Variants in CACNA1I observed in about 807,000 individuals in gnomAD.
The protein encoded by CACNA1I is voltage-dependent T-type calcium channel subunit alpha-1I.
Under a neutral mutation model 201.6 loss-of-function variants are expected in CACNA1I, and 74 were observed. That is an observed-to-expected ratio of 0.37 (90% confidence interval 0.30 to 0.45). The LOEUF (loss-of-function observed/expected upper bound fraction) is 0.45. CACNA1I is among the 20% of genes least tolerant of loss of function. The probability of loss-of-function intolerance (pLI) is 1.00; values close to 1 mark genes in which losing one functional copy is unlikely to be tolerated. For synonymous variants in CACNA1I, 1,431 were observed against 1,345.2 expected (o/e 1.06, Z -1.40); for missense variants, 2,346 against 3,138.1 (o/e 0.75, Z 6.03).
At chr22:39,606,846 G>T (rs1933235292) in intron 3 of CACNA1I, among the ~76,000 whole-genome samples, 1 of 152,216 alleles carries the variant, frequency 6.6e-6, no homozygotes, top group Admixed American at 6.5e-5. Context: ...CCAACTCTTT[G>T]TCTTATCATT....
intron 23 of CACNA1I, among the ~76,000 whole-genome samples, chr22:39,667,983 G>C (rs1432959959): frequency 6.6e-6 from 1 of 152,158 alleles, no homozygotes; most frequent in African/African-American, 2.4e-5. Flanking sequence ...GTGGGTGAGG[G>C]GACAGGAGTT....
chr22:39,666,043 C>A lies in CACNA1I; in HGVS notation c.4104+37C>A. On this transcript the variant is annotated intron_variant, in intron 23 of 36. Transcript: ENST00000402142. The surrounding 1 kb of genome is among the most constrained non-coding windows in gnomAD (Gnocchi z 4.1). Reference sequence around the variant, plus strand: ...CGTCCTAGCCCTGATCAGACCCTCCCCTCTCTTGGATGCCAGTGGCTCTGG... The same window carrying A: ...CGTCCTAGCCCTGATCAGACCCTCCACTCTCTTGGATGCCAGTGGCTCTGG... 1 of 1,597,688 alleles carries A rather than the reference C, an allele frequency of 6.3e-7. No homozygotes were observed.
intron 4 of CACNA1I, among the ~76,000 whole-genome samples, chr22:39,625,070 G>C (rs1243543461): frequency 1.3e-5 from 2 of 151,964 alleles, no homozygotes; most frequent in Non-Finnish European, 1.5e-5. Flanking sequence ...ACCACGTCCA[G>C]CTAATTTTTG....
intron 8 of CACNA1I, 133 bp downstream of exon 8, chr22:39,647,014 C>T (rs1237443990): frequency 6.0e-6 from 8 of 1,330,526 alleles, no homozygotes; most frequent in Non-Finnish European, 6.9e-6. Flanking sequence ...TCCTTCACAG[C>T]CCCCAGGGAC....
intron 5 of CACNA1I, among the ~76,000 whole-genome samples, chr22:39,640,036 C>T (rs1051377086): frequency 2.0e-5 from 3 of 152,294 alleles, no homozygotes; most frequent in African/African-American, 4.8e-5. Flanking sequence ...CATAGATTAA[C>T]CCTTCTGGAT....
rs1248395854 is a variant in CACNA1I at position 39,665,632 on chromosome 22, G to A, written c.3978+8G>A. On this transcript the variant is annotated splice_region_variant and intron_variant, in intron 22 of 36. Coordinates refer to ENST00000402142, the MANE Select transcript of CACNA1I (RefSeq NM_021096.4). This position sits in a 1 kb window ranked among gnomAD's most constrained non-coding sequence, Gnocchi z 5.5. ...GGCATCCTGGGAGTGCAGGTGAGGG[G>A]TGCCCAGTCTGGGCAGGGACTGGGC... 6.2e-7 allele frequency: 1 copy of A among 1,613,478 alleles called. No homozygotes were observed. Among genetic ancestry groups the A allele is most frequent in the African/African-American group, 1.3e-5 (1 of 75,014 alleles).
intron 26 of CACNA1I, among the ~76,000 whole-genome samples, chr22:39,671,914 A>T (rs1259822552): frequency 6.6e-6 from 1 of 152,200 alleles, no homozygotes; most frequent in African/African-American, 2.4e-5. Flanking sequence ...CCAGGATTCA[A>T]ATGTAGGCAG....
At chr22:39,647,973 C>A (rs776108324) in intron 9 of CACNA1I, 47 bp downstream of exon 9, 94 of 1,514,612 alleles carry the variant, frequency 6.2e-5, no homozygotes, top group Non-Finnish European at 8.0e-5. Flanking sequence ...GCCCCAATAC[C>A]ACTTCTCCCA....
chr22:39,644,480 G>A (rs1470591205), intron 7 of CACNA1I, among the ~76,000 whole-genome samples: 5 of 152,184 alleles, frequency 3.3e-5, no homozygotes, highest in Admixed American at 3.3e-4. Flanking sequence ...AGGTGGCCCT[G>A]TCACAGGACG....
chr22:39,672,167 C>T (rs1935394603), intron 26 of CACNA1I, 32 bp from the exon 27 acceptor site: 1 of 1,446,350 alleles, frequency 6.9e-7, no homozygotes, highest in Non-Finnish European at 9.7e-7. Flanking sequence ...GGTCATGTGC[C>T]CTGGATCATG....
At chr22:39,604,954 C>A (rs558351820) in intron 3 of CACNA1I, among the ~76,000 whole-genome samples, 2 of 152,176 alleles carry the variant, frequency 1.3e-5, no homozygotes, top group Non-Finnish European at 2.9e-5. Context: ...AACAGGACCA[C>A]CCCGTGCTCA....
intron 24 of CACNA1I, 87 bp downstream of exon 24, chr22:39,668,468 G>A: frequency 1.2e-6 from 1 of 813,574 alleles, no homozygotes; most frequent in South Asian, 1.5e-5. Context: ...TGAAACTGGT[G>A]CCAATGAGTT....
Position 39,665,847 on chromosome 22 carries a change from C to T in CACNA1I, c.3979-34C>T, listed in dbSNP as rs1490866225. 2 of 1,613,570 alleles carry T rather than the reference C, an allele frequency of 1.2e-6. No individual in the cohort carries two copies. The highest frequency in any genetic ancestry group is 8.5e-7 in the Non-Finnish European group (1 of 1,179,718). Reference sequence around the variant, plus strand: ...TTCCTCTCTGACTTGCAACCCTCACCTGTGAGAGCACCAACCTCACCCCCT... The same window carrying T: ...TTCCTCTCTGACTTGCAACCCTCACTTGTGAGAGCACCAACCTCACCCCCT... On this transcript the variant is annotated intron_variant, in intron 22 of 36. Transcript: ENST00000402142. This position sits in a 1 kb window ranked among gnomAD's most constrained non-coding sequence, Gnocchi z 5.5.
chr22:39,641,369 C>A (rs765188523), intron 6 of CACNA1I, among the ~76,000 whole-genome samples, 187 bp downstream of exon 6: 2 of 152,230 alleles, frequency 1.3e-5, no homozygotes, highest in Non-Finnish European at 2.9e-5. Flanking sequence ...AGGAAGCAAG[C>A]TAATTGACCA....
intron 5 of CACNA1I, 146 bp from the exon 6 acceptor site, chr22:39,640,721 G>T (rs1259638581): frequency 5.9e-6 from 4 of 682,188 alleles, no homozygotes; most frequent in East Asian, 5.4e-5. Flanking sequence ...GTGGGGAAGG[G>T]TGACCAAGGC....
chr22:39,665,789 A>G lies in CACNA1I; in HGVS notation c.3979-92A>G, dbSNP rs1468977722. ...ACATGGGCCCAGATGACTGAGCACAAGACAGTCTGAGTAAACGCGATCGAG... is the reference window on the plus strand; with the variant it reads ...ACATGGGCCCAGATGACTGAGCACAGGACAGTCTGAGTAAACGCGATCGAG... On this transcript the variant is annotated intron_variant, in intron 22 of 36. Transcript: ENST00000402142. This position sits in a 1 kb window ranked among gnomAD's most constrained non-coding sequence, Gnocchi z 5.5. The G allele has an allele frequency of 6.3e-7, 1 of 1,575,950 alleles. No homozygotes were observed. Among genetic ancestry groups the G allele is most frequent in the African/African-American group, 1.3e-5 (1 of 74,262 alleles).
At chr22:39,590,430 G>A (rs1194168920) in intron 1 of CACNA1I, among the ~76,000 whole-genome samples, 1 of 152,216 alleles carries the variant, frequency 6.6e-6, no homozygotes, top group East Asian at 1.9e-4. Flanking sequence ...TACAACACAG[G>A]CCTGGGTCCC....
In CACNA1I at chr22:39,662,192, G is replaced by T. The variant is rs1569088128; in HGVS notation, c.3129G>T (p.Gly1043=). The T allele has an allele frequency of 1.3e-6, 2 of 1,528,848 alleles. No individual in the cohort carries two copies. Among genetic ancestry groups the T allele is most frequent in the Admixed American group, 2.0e-5 (1 of 49,610 alleles). 94.7% of individuals were successfully genotyped at this position (1,528,848 alleles called of 1,614,324 possible). A position where few individuals can be genotyped will look rare whatever the true frequency, so the allele number is the denominator to read the frequency against. ...HTPHAHHIHH[G]PHLAHRHRHH... ...CACACGCCCACCACATTCATCACGG[G>T]CCCCATCTGGCGCACCGCCACCGCC... The change falls in exon 17 of 37, where the codon GGG becomes GGT. Residue 1043 remains glycine, a synonymous_variant. Coordinates refer to ENST00000402142, the MANE Select transcript of CACNA1I (RefSeq NM_021096.4).
chr22:39,622,508 G>A lies in CACNA1I; in HGVS notation c.580+3101G>A, dbSNP rs571039097. Among the ~76,000 whole-genome samples the A allele has an allele frequency of 2.6e-5, 4 of 151,862 alleles. No individual in the cohort carries two copies. The East Asian group carries it at 7.8e-4, about 29-fold the overall frequency. ...CATGAGGCTGGAGAGGACAGGGCCT[G>A]GGCATGGACCATGTGCCTGAGGGCA... On this transcript the variant is annotated intron_variant, in intron 4 of 36. Coordinates refer to ENST00000402142, the MANE Select transcript of CACNA1I (RefSeq NM_021096.4).
Sources: gnomAD v4.1 joint callset for allele counts (sites outside exome capture counted in the v4.1 genomes callset) on GRCh38, gnomAD v4.1.1 for gene constraint, Gnocchi (gnomAD v3.1) non-coding constraint, MANE v1.5 for transcripts, NCBI Gene and HGNC (gene_info 2026-07-23, HGNC 2026-07-21) for gene names.